The following RASSF3 variants were observed in gnomAD, a reference collection of about 807,000 sequenced individuals.
RASSF3 encodes Ras association domain family member 3.
In RASSF3, 19 loss-of-function variants were observed where a neutral mutation model predicts 19.9. That is an observed-to-expected ratio of 0.96 (90% CI 0.67 to 1.40). The LOEUF (loss-of-function observed/expected upper bound fraction) is 1.40. RASSF3 is among the 40% of genes most tolerant of loss of function. The pLI, the probability that RASSF3 is intolerant of heterozygous loss-of-function variation, is 0.00. For synonymous variants in RASSF3, 110 were observed against 104.2 expected (o/e 1.06, Z -0.34); for missense variants, 306 against 289.8 (o/e 1.06, Z -0.41).
chr12:64,559,201 G>A lies in RASSF3; in HGVS notation c.294+17496G>A, dbSNP rs555649703. On this transcript the variant is annotated intron_variant, in intron 2 of 5. Coordinates refer to the RASSF3 transcript ENST00000637125. ...AGTCCTGAAGGCACTGGTGAACGGC[G>A]TGTCCTCTGGGTCCTGTGGGTCCAT... Among the ~76,000 whole-genome samples, 22 of 151,866 alleles carry A rather than the reference G, an allele frequency of 1.4e-4. No individual in the cohort carries two copies. In the South Asian group the frequency reaches 2.5e-3, roughly 17 times the overall value.
At chr12:64,627,594 C>A (rs1871038256) in intron 1 of RASSF3, among the ~76,000 whole-genome samples, 1 of 152,122 alleles carries the variant, frequency 6.6e-6, no homozygotes, top group Non-Finnish European at 1.5e-5. Flanking sequence ...GTTAATTGAC[C>A]ACCTGGTTTT....
Position 64,681,304 on chromosome 12 carries a change from C to A in RASSF3, c.112-3483C>A, listed in dbSNP as rs546458558. ...CATGGAACCCTTTTGCCCTTGGTCA[C>A]ACTTGTGAAAGCACCTCCACATCTT... On this transcript the variant is annotated intron_variant, in intron 1 of 4. Transcript: ENST00000542104. 2.6e-5 allele frequency among the ~76,000 whole-genome samples: 4 copies of A among 152,320 alleles called. No individual in the cohort carries two copies. In the South Asian group the frequency reaches 8.3e-4, roughly 32 times the overall value.
Position 64,674,925 on chromosome 12 carries a change from T to C in RASSF3, c.112-9862T>C, listed in dbSNP as rs1030752839. The stretch of plus-strand genomic sequence containing the variant: ...GTGCACTCTTTCTCTCTTGCTCTCT[T>C]GTTTTTCTTTCTTACAAGTATGTTT... On this transcript the variant is annotated intron_variant, in intron 1 of 4. Transcript: ENST00000542104. Among the ~76,000 whole-genome samples the C allele has an allele frequency of 4.6e-5, 7 of 152,230 alleles. No homozygotes were observed. In the East Asian group the frequency reaches 7.7e-4, roughly 17 times the overall value.
intron 1 of RASSF3, among the ~76,000 whole-genome samples, chr12:64,684,504 T>TA (rs1447797738): frequency 6.6e-6 from 1 of 150,800 alleles, no homozygotes; most frequent in Admixed American, 6.6e-5. Context: ...GATCTCAGCT[T>TA]ACCACAACCT....
chr12:64,618,886 T>G (rs1371437448), intron 1 of RASSF3, among the ~76,000 whole-genome samples: 1 of 151,994 alleles, frequency 6.6e-6, no homozygotes, highest in Non-Finnish European at 1.5e-5. Flanking sequence ...CACACTGGAT[T>G]TTGAAGATTA....
intron 1 of RASSF3, among the ~76,000 whole-genome samples, chr12:64,670,885 C>G (rs1187618226): frequency 6.6e-6 from 1 of 152,196 alleles, no homozygotes; most frequent in East Asian, 1.9e-4. Context: ...ATCGGATAGA[C>G]CCGGGTAGGA....
In RASSF3 at chr12:64,612,305, A is replaced by G. The variant is rs943403978; in HGVS notation, c.111+1562A>G. The stretch of plus-strand genomic sequence containing the variant: ...TGAAAAGGAACTCATGGTAGTTTGA[A>G]GTTTATTCCAGAGGTGTCTGCTAAT... On this transcript the variant is annotated intron_variant, in intron 1 of 4. Transcript: ENST00000542104. Among the ~76,000 whole-genome samples the G allele has an allele frequency of 3.3e-5, 5 of 152,122 alleles. No homozygotes were observed. The South Asian group carries it at 1.0e-3, about 32-fold the overall frequency.
chr12:64,538,636 C>G (rs1308690279), intron 1 of RASSF3, among the ~76,000 whole-genome samples: 1 of 151,130 alleles, frequency 6.6e-6, no homozygotes, highest in Non-Finnish European at 1.5e-5. Flanking sequence ...TACATGAGCT[C>G]TGTAGAAAAC....
At chr12:64,690,701 G>T (rs576837543) in intron 3 of RASSF3, among the ~76,000 whole-genome samples, 1 of 151,380 alleles carries the variant, frequency 6.6e-6, no homozygotes, top group Non-Finnish European at 1.5e-5. Context: ...GCCCTGGCTG[G>T]TCTCGAACTC....
At chr12:64,554,480 T>G (rs920158793) in intron 2 of RASSF3, among the ~76,000 whole-genome samples, 1 of 152,212 alleles carries the variant, frequency 6.6e-6, no homozygotes, top group Non-Finnish European at 1.5e-5. Flanking sequence ...AATTTTTGTA[T>G]TTTTAGTAGA....
chr12:64,663,958 A>C (rs1178548040), intron 1 of RASSF3, among the ~76,000 whole-genome samples: 2 of 151,358 alleles, frequency 1.3e-5, no homozygotes, highest in Admixed American at 6.6e-5. Context: ...ATATCTCCAA[A>C]TTTTTACTTT....
intron 1 of RASSF3, among the ~76,000 whole-genome samples, chr12:64,537,850 G>A (rs1868861033): frequency 6.6e-6 from 1 of 152,146 alleles, no homozygotes; most frequent in Admixed American, 6.6e-5. Flanking sequence ...TCTGGAGTCT[G>A]GAAATCCAAA....
intron 2 of RASSF3, among the ~76,000 whole-genome samples, chr12:64,687,447 T>TG (rs950635750): frequency 1.1e-4 from 17 of 151,254 alleles, no homozygotes; most frequent in African/African-American, 3.9e-4. Context: ...GGTTTGAATT[T>TG]GTTTTTTTTT....
chr12:64,676,673 G>T (rs1418698761), intron 1 of RASSF3, among the ~76,000 whole-genome samples: 1 of 151,666 alleles, frequency 6.6e-6, no homozygotes, highest in Non-Finnish European at 1.5e-5. Context: ...GTTTCACCAT[G>T]TTGGCCACGC....
chr12:64,563,600 T>G (rs1023613240), intron 2 of RASSF3, among the ~76,000 whole-genome samples: 12 of 152,354 alleles, frequency 7.9e-5, no homozygotes, highest in African/African-American at 2.6e-4. Flanking sequence ...CTTGCTGATC[T>G]TGGCTCATGC....
chr12:64,539,640 G>A (rs1868901455), intron 1 of RASSF3, among the ~76,000 whole-genome samples: 1 of 152,058 alleles, frequency 6.6e-6, no homozygotes. Flanking sequence ...GGCAAGCATG[G>A]TAGTATATGC....
intron 1 of RASSF3, among the ~76,000 whole-genome samples, chr12:64,672,081 C>T (rs889345018): frequency 6.6e-6 from 1 of 151,900 alleles, no homozygotes; most frequent in Admixed American, 6.6e-5. Flanking sequence ...TTTGTGGGTA[C>T]GTAGGTGTAT....
At chr12:64,560,020 T>A (rs1259176155) in intron 2 of RASSF3, among the ~76,000 whole-genome samples, 1 of 152,194 alleles carries the variant, frequency 6.6e-6, no homozygotes, top group Non-Finnish European at 1.5e-5. Flanking sequence ...AGGGATGCAT[T>A]TTCATGGCCA....
intron 1 of RASSF3, among the ~76,000 whole-genome samples, chr12:64,519,034 C>T (rs1743241900): frequency 6.6e-6 from 1 of 152,142 alleles, no homozygotes; most frequent in Non-Finnish European, 1.5e-5. Context: ...CCCAAGAAGT[C>T]ACATGATTGA....
Sources: gnomAD v4.1 joint callset for allele counts (sites outside exome capture counted in the v4.1 genomes callset) on GRCh38, gnomAD v4.1.1 for gene constraint, MANE v1.5 for transcripts, NCBI Gene and HGNC (gene_info 2026-07-23, HGNC 2026-07-21) for gene names.